Variants in LRRC7 observed in about 807,000 individuals in gnomAD.
LRRC7 encodes leucine rich repeat containing 7.
A neutral mutation model predicts 175.7 loss-of-function variants in LRRC7; 23 were observed. The observed-to-expected ratio is 0.13, with a 90% CI of 0.09 to 0.19. The LOEUF is 0.19. Ranked by LOEUF, LRRC7 falls within the 10% of genes least tolerant of loss-of-function variation. The pLI, the probability that LRRC7 is intolerant of heterozygous loss-of-function variation, is 1.00. For missense variants in LRRC7, 1,354 were observed against 1,904.7 expected, an observed-to-expected ratio of 0.71 and a Z score of 5.38; for synonymous variants, 685 against 680.9, an observed-to-expected ratio of 1.01 and a Z score of -0.09.
chr1:70,089,879 C>A, intron 25 of LRRC7, 60 bp downstream of exon 25: 3 of 1,223,024 alleles, frequency 2.5e-6, no homozygotes, highest in Admixed American at 4.2e-5. Flanking sequence ...CCTACAGTAA[C>A]AAAGGTTAGA....
intron 11 of LRRC7, among the ~76,000 whole-genome samples, chr1:70,002,246 T>A (rs1308175367): frequency 6.6e-6 from 1 of 152,082 alleles, no homozygotes; most frequent in Non-Finnish European, 1.5e-5. Flanking sequence ...AATCAGAAAA[T>A]CTAAGTGTCT....
intron 8 of LRRC7, among the ~76,000 whole-genome samples, chr1:69,969,371 G>A (rs1193548912): frequency 6.6e-6 from 1 of 152,120 alleles, no homozygotes; most frequent in Admixed American, 6.5e-5. Context: ...CCAACTATGT[G>A]CTGCCTTCAA....
At chr1:69,648,281 A>G (rs1354040035) in intron 1 of LRRC7, among the ~76,000 whole-genome samples, 1 of 152,142 alleles carries the variant, frequency 6.6e-6, no homozygotes, top group Non-Finnish European at 1.5e-5. Context: ...TTGTATGAAA[A>G]TAATACTCGA....
intron 1 of LRRC7, among the ~76,000 whole-genome samples, chr1:69,666,498 T>A (rs1374142857): frequency 6.6e-6 from 1 of 152,084 alleles, no homozygotes; most frequent in Non-Finnish European, 1.5e-5. Flanking sequence ...TAATTACTAG[T>A]TATTGTTCTG....
chr1:69,744,618 A>AC (rs1239637232), intron 2 of LRRC7, among the ~76,000 whole-genome samples: 2 of 151,844 alleles, frequency 1.3e-5, no homozygotes, highest in Admixed American at 6.6e-5. Flanking sequence ...AAAGAATGTG[A>AC]AACACTGAAT....
intron 1 of LRRC7, among the ~76,000 whole-genome samples, chr1:69,573,767 G>T (rs12750288): frequency 0.28 from 42,092 of 151,962 alleles, 6,144 homozygotes; most frequent in East Asian, 0.38. Flanking sequence ...ATTGTTCATT[G>T]CTTAATAAAC....
chr1:69,631,164 A>C (rs1304856967), intron 1 of LRRC7, among the ~76,000 whole-genome samples: 1 of 152,074 alleles, frequency 6.6e-6, no homozygotes, highest in Non-Finnish European at 1.5e-5. Context: ...TTATGTCTGC[A>C]CTTTTCGAAA....
At chr1:69,635,826 A>T (rs1488208020) in intron 1 of LRRC7, among the ~76,000 whole-genome samples, 1 of 152,032 alleles carries the variant, frequency 6.6e-6, no homozygotes, top group Non-Finnish European at 1.5e-5. Context: ...CACATTACTG[A>T]TGTTTTTTTA....
intron 11 of LRRC7, among the ~76,000 whole-genome samples, chr1:70,003,398 A>C (rs920630497): frequency 6.6e-6 from 1 of 152,202 alleles, no homozygotes; most frequent in African/African-American, 2.4e-5. Flanking sequence ...GAGGTGTTTG[A>C]AATTGTTTCC....
chr1:69,734,845 ATGAT>A (rs1412244285), intron 2 of LRRC7, among the ~76,000 whole-genome samples: 2 of 151,920 alleles, frequency 1.3e-5, no homozygotes, highest in Admixed American at 1.3e-4. Flanking sequence ...TATAGACAAA[ATGAT>A]TGATAAATAC....
chr1:69,781,945 A>G (rs1477105629), intron 3 of LRRC7, among the ~76,000 whole-genome samples: 14 of 145,540 alleles, frequency 9.6e-5, no homozygotes, highest in African/African-American at 2.6e-4. Flanking sequence ...AGAAAGAGAA[A>G]AGAAAAGAAA....
At chr1:69,909,019 A>C (rs1484306703) in intron 7 of LRRC7, among the ~76,000 whole-genome samples, 1 of 151,612 alleles carries the variant, frequency 6.6e-6, no homozygotes, top group Non-Finnish European at 1.5e-5. Context: ...CTTTACCATT[A>C]TGTAATGGCC....
chr1:69,843,911 T>C (rs929582134), intron 7 of LRRC7, among the ~76,000 whole-genome samples: 2 of 152,090 alleles, frequency 1.3e-5, no homozygotes, highest in East Asian at 3.9e-4. Context: ...GAGGACATTT[T>C]TGAGACAACT....
At chr1:69,794,525 T>A (rs1030459742) in intron 4 of LRRC7, among the ~76,000 whole-genome samples, 4 of 152,244 alleles carry the variant, frequency 2.6e-5, no homozygotes, top group Non-Finnish European at 4.4e-5. Context: ...TGTATTTCTG[T>A]ACAATAAAAC....
intron 11 of LRRC7, among the ~76,000 whole-genome samples, chr1:70,010,129 G>T (rs1656368481): frequency 6.6e-6 from 1 of 152,044 alleles, no homozygotes; most frequent in African/African-American, 2.4e-5. Flanking sequence ...TTAATTTATT[G>T]ATACCCAAGA....
At chr1:70,099,541 T>C (rs1470053981) in intron 25 of LRRC7, among the ~76,000 whole-genome samples, 1 of 152,104 alleles carries the variant, frequency 6.6e-6, no homozygotes, top group Non-Finnish European at 1.5e-5. Context: ...TGTCCCTGTT[T>C]GCAGATGACA....
At chr1:69,700,953 G>A (rs1002730608) in intron 2 of LRRC7, among the ~76,000 whole-genome samples, 4 of 152,120 alleles carry the variant, frequency 2.6e-5, no homozygotes, top group Admixed American at 6.6e-5. Flanking sequence ...GTAGCTCTGA[G>A]CCCATGACTG....
intron 7 of LRRC7, among the ~76,000 whole-genome samples, chr1:69,925,994 T>C (rs1316612948): frequency 6.6e-6 from 1 of 151,604 alleles, no homozygotes; most frequent in East Asian, 1.9e-4. Context: ...GATTCTGGTA[T>C]GTTGTGTCTT....
intron 2 of LRRC7, among the ~76,000 whole-genome samples, chr1:69,724,162 A>T (rs1666671424): frequency 6.6e-6 from 1 of 152,302 alleles, no homozygotes; most frequent in East Asian, 1.9e-4. Flanking sequence ...CTGTGAAAAA[A>T]ATGGATATAA....
Sources: allele counts gnomAD v4.1 joint callset (sites outside exome capture counted in the v4.1 genomes callset), GRCh38; gene constraint gnomAD v4.1.1; transcripts MANE v1.5; gene names NCBI Gene and HGNC (gene_info 2026-07-23, HGNC 2026-07-21).